The following OLA1 variants were observed in gnomAD, a reference collection of about 807,000 sequenced individuals.
OLA1 encodes the protein Obg like ATPase 1, also known as obg-like ATPase 1.
OLA1 carries 14 observed loss-of-function variants against 48.4 expected under a neutral mutation model. The observed-to-expected ratio is 0.29, with a 90% CI of 0.19 to 0.45. The LOEUF is 0.45. Ranked by LOEUF, OLA1 falls within the 20% of genes least tolerant of loss-of-function variation. The pLI is 1.00. For synonymous variants in OLA1, 127 were observed against 150.4 expected (o/e 0.84, Z 1.14); for missense variants, 325 against 467.1 (o/e 0.70, Z 2.80).
At chr2:174,243,614 A>C (rs1426832276) in intron 2 of OLA1, among the ~76,000 whole-genome samples, 1 of 152,228 alleles carries the variant, frequency 6.6e-6, no homozygotes, top group African/African-American at 2.4e-5. Flanking sequence ...AAATATACCA[A>C]TAAGCAAGAA....
At chr2:174,126,770 T>C (rs1236081675) in intron 5 of OLA1, among the ~76,000 whole-genome samples, 1 of 152,224 alleles carries the variant, frequency 6.6e-6, no homozygotes, top group Non-Finnish European at 1.5e-5. Flanking sequence ...ATTGTTGTTA[T>C]GATTGCTGAA....
At chr2:174,110,059 C>A (rs570894742) in intron 7 of OLA1, among the ~76,000 whole-genome samples, 3 of 146,000 alleles carry the variant, frequency 2.1e-5, no homozygotes, top group African/African-American at 7.5e-5. Flanking sequence ...CTCTGGTATT[C>A]AGTTTTCTAT....
chr2:174,214,975 AG>A (rs1317747677), intron 4 of OLA1, among the ~76,000 whole-genome samples: 1 of 151,812 alleles, frequency 6.6e-6, no homozygotes, highest in African/African-American at 2.4e-5. Context: ...GCTTGAACCC[AG>A]GAGGTGGAGG....
At chr2:174,152,990 C>T (rs1212292091) in intron 4 of OLA1, among the ~76,000 whole-genome samples, 2 of 152,280 alleles carry the variant, frequency 1.3e-5, no homozygotes, top group East Asian at 1.9e-4. Context: ...TCTCTCATTA[C>T]AGGAAACAGC....
intron 4 of OLA1, among the ~76,000 whole-genome samples, chr2:174,174,415 AAAG>A (rs901115608): frequency 3.3e-5 from 5 of 152,196 alleles, no homozygotes; most frequent in African/African-American, 1.2e-4. Flanking sequence ...ATAGAATAAA[AAAG>A]AAAAACCAGA....
intron 4 of OLA1, among the ~76,000 whole-genome samples, chr2:174,147,265 A>T (rs1394341419): frequency 6.6e-6 from 1 of 152,088 alleles, no homozygotes; most frequent in Non-Finnish European, 1.5e-5. Flanking sequence ...CATCTCTACT[A>T]AAAATACAAA....
At chr2:174,170,432 GAGAC>G (rs1159668361) in intron 4 of OLA1, among the ~76,000 whole-genome samples, 2 of 152,004 alleles carry the variant, frequency 1.3e-5, no homozygotes, top group African/African-American at 2.4e-5. Flanking sequence ...AAAATGTAGA[GAGAC>G]AGAGGAACAA....
At chr2:174,138,067 G>A (rs1253481912) in intron 5 of OLA1, among the ~76,000 whole-genome samples, 1 of 152,168 alleles carries the variant, frequency 6.6e-6, no homozygotes, top group East Asian at 1.9e-4. Context: ...TCTCATTCGT[G>A]TGTTCTCTGG....
At chr2:174,117,002 G>A (rs900171261) in intron 7 of OLA1, among the ~76,000 whole-genome samples, 44 of 152,246 alleles carry the variant, frequency 2.9e-4, no homozygotes, top group African/African-American at 1.1e-3. Context: ...TCTAATGGAA[G>A]CCAAGGGTGA....
intron 4 of OLA1, among the ~76,000 whole-genome samples, chr2:174,208,643 T>G (rs1314930649): frequency 6.6e-6 from 1 of 152,132 alleles, no homozygotes; most frequent in African/African-American, 2.4e-5. Flanking sequence ...TGAAAGTAGA[T>G]TATACATTTC....
intron 1 of OLA1, chr2:174,248,193 C>A: frequency 6.2e-6 from 1 of 160,256 alleles, no homozygotes; most frequent in Non-Finnish European, 1.4e-5. Context: ...CCCCCATCCT[C>A]CTCTCCGGAC....
At chr2:174,126,106 C>G (rs1003218715) in intron 5 of OLA1, among the ~76,000 whole-genome samples, 3 of 151,972 alleles carry the variant, frequency 2.0e-5, no homozygotes, top group African/African-American at 7.2e-5. Flanking sequence ...TCAATGTGCT[C>G]TTTTTCTTAC....
intron 7 of OLA1, among the ~76,000 whole-genome samples, chr2:174,091,532 T>C (rs1190929099): frequency 6.6e-6 from 1 of 152,232 alleles, no homozygotes; most frequent in Non-Finnish European, 1.5e-5. Context: ...CAAGTACAAG[T>C]GCTGAAATCT....
chr2:174,241,468 T>C (rs1218151061), intron 2 of OLA1, among the ~76,000 whole-genome samples: 1 of 152,176 alleles, frequency 6.6e-6, no homozygotes, highest in Non-Finnish European at 1.5e-5. Context: ...GACGCTGTGA[T>C]TGGTCTGCAG....
intron 7 of OLA1, among the ~76,000 whole-genome samples, chr2:174,116,578 A>G (rs1284507248): frequency 1.3e-5 from 2 of 152,204 alleles, no homozygotes; most frequent in Admixed American, 6.5e-5. Context: ...AGAGTAGGAA[A>G]AAAGATCAGG....
chr2:174,184,419 T>G (rs1357643506), intron 4 of OLA1, among the ~76,000 whole-genome samples: 2 of 152,054 alleles, frequency 1.3e-5, no homozygotes, highest in Non-Finnish European at 2.9e-5. Context: ...GAGCCCAATA[T>G]AAGGAATAGA....
In OLA1 at chr2:174,079,064, T is replaced by G; in HGVS notation, c.993A>C (p.Ala331=). ...TTTCAAAATCTGTGTGAATCTTTCC[T>G]GCAGCCTGAGGAGCCTTAGTCCCTT... ...IRKGTKAPQA[A]GKIHTDFEKG... is the part of the protein sequence containing the mutation. Residue 331 remains alanine (A), a synonymous_variant, in exon 10 of 11, where the codon GCA becomes GCC. Coordinates refer to ENST00000284719, the MANE Select transcript of OLA1 (RefSeq NM_013341.5). 1.9e-6 allele frequency: 3 copies of G among 1,604,516 alleles called. No homozygotes were observed. Among genetic ancestry groups the G allele is most frequent in the Non-Finnish European group, 2.6e-6 (3 of 1,175,448 alleles).
chr2:174,207,047 G>A (rs1025785), intron 4 of OLA1, among the ~76,000 whole-genome samples: 80,584 of 151,876 alleles, frequency 0.53, 21,941 homozygotes, highest in East Asian at 0.94. Flanking sequence ...GAGGAAGGTG[G>A]GCTCTTGAAA....
intron 4 of OLA1, among the ~76,000 whole-genome samples, chr2:174,180,694 A>G (rs751750351): frequency 1.3e-5 from 2 of 152,220 alleles, no homozygotes; most frequent in Non-Finnish European, 2.9e-5. Context: ...GCCCTAACCG[A>G]ATATTCAAGT....
Sources: allele counts gnomAD v4.1 joint callset (sites outside exome capture counted in the v4.1 genomes callset), GRCh38; gene constraint gnomAD v4.1.1; transcripts MANE v1.5; gene names NCBI Gene and HGNC (gene_info 2026-07-23, HGNC 2026-07-21).